MOB3B: variants seen among roughly 807,000 people sequenced by gnomAD.
The protein encoded by MOB3B is MOB kinase activator-like 2B.
A neutral mutation model predicts 18.7 loss-of-function variants in MOB3B; 7 were observed. The ratio of observed to expected loss-of-function variants is 0.37; its 90% CI spans 0.21 to 0.70. The LOEUF is 0.70. MOB3B is among the 30% of genes least tolerant of loss of function. The probability of loss-of-function intolerance (pLI) is 0.52; values close to 1 mark genes in which losing one functional copy is unlikely to be tolerated. For synonymous variants in MOB3B, 111 were observed against 99.9 expected (o/e 1.11, Z -0.66); for missense variants, 253 against 281.3 (o/e 0.90, Z 0.72).
At position 27,453,251 on chromosome 9, in the gene MOB3B, T is replaced by C. The variant is rs563101250; in HGVS notation, c.418+1882A>G. ...GAAATTCATAATGCACATTGGCATA[T>C]TAAAAGTCCTGTGGTAAAGAAATCA... On this transcript the variant is annotated intron_variant, in intron 2 of 3. Transcript: ENST00000262244. Among the ~76,000 whole-genome samples, 5 of 152,316 alleles carry C rather than the reference T, an allele frequency of 3.3e-5. No homozygotes were observed. The East Asian group carries it at 9.6e-4, about 29-fold the overall frequency.
At chr9:27,383,995 C>G (rs1221945301) in intron 2 of MOB3B, among the ~76,000 whole-genome samples, 1 of 152,168 alleles carries the variant, frequency 6.6e-6, no homozygotes, top group East Asian at 1.9e-4. Flanking sequence ...TATAGATAAG[C>G]ATTATAAAGG....
At chr9:27,332,388 GGAGA>G (rs781117755) in intron 3 of MOB3B, among the ~76,000 whole-genome samples, 7 of 152,204 alleles carry the variant, frequency 4.6e-5, no homozygotes, top group East Asian at 3.8e-4. Context: ...AGAGAAGTAG[GGAGA>G]GAGAAAGTGT....
intron 2 of MOB3B, among the ~76,000 whole-genome samples, chr9:27,430,514 C>A (rs575706676): frequency 1.6e-4 from 25 of 152,206 alleles, no homozygotes; most frequent in African/African-American, 5.3e-4. Flanking sequence ...AACGCAGAAC[C>A]AATTTTACTT....
intron 3 of MOB3B, among the ~76,000 whole-genome samples, chr9:27,341,248 G>A (rs116667551): frequency 0.011 from 1,689 of 152,292 alleles, 30 homozygotes; most frequent in African/African-American, 0.039. Context: ...TGCAAGAAAC[G>A]CTGAACAAAC....
intron 1 of MOB3B, among the ~76,000 whole-genome samples, chr9:27,502,599 C>A (rs1315665920): frequency 6.6e-6 from 1 of 152,236 alleles, no homozygotes; most frequent in Non-Finnish European, 1.5e-5. Context: ...GTGTCCCTTT[C>A]CTCCCCAGGA....
intron 2 of MOB3B, among the ~76,000 whole-genome samples, chr9:27,450,046 C>T (rs990471913): frequency 6.6e-6 from 1 of 151,790 alleles, no homozygotes; most frequent in African/African-American, 2.4e-5. Context: ...TCCCCAACAT[C>T]CCATGTCTGA....
chr9:27,363,342 C>T (rs1821301382), intron 2 of MOB3B, among the ~76,000 whole-genome samples: 1 of 152,146 alleles, frequency 6.6e-6, no homozygotes, highest in African/African-American at 2.4e-5. Flanking sequence ...GATCGTGGCT[C>T]ACTGCAAGCT....
rs914440490 is a variant in MOB3B, at chr9:27,349,595, G to T, written c.621+9439C>A. 2.6e-5 allele frequency among the ~76,000 whole-genome samples: 4 copies of T among 152,086 alleles called. No homozygotes were observed. In the East Asian group the frequency reaches 7.7e-4, roughly 29 times the overall value. On this transcript the variant is annotated intron_variant, in intron 3 of 3. Transcript: ENST00000262244. ...TGCTCATGAAGACGAATTAATCCCTGCTGTGACTGACATCCTGCAGCAATT... is the reference window on the plus strand; with the variant it reads ...TGCTCATGAAGACGAATTAATCCCTTCTGTGACTGACATCCTGCAGCAATT...
In MOB3B at chr9:27,326,411, T is replaced by A. The variant is rs1820712820; in HGVS notation, c.*4176A>T. ...TAATTGTATTTTCACTTATTATATA[T>A]CATCTTTGGACCTTTCTAAAAGTGG... On this transcript the variant is annotated 3_prime_UTR_variant, in exon 4 of 4. Coordinates refer to ENST00000262244, the MANE Select transcript of MOB3B (RefSeq NM_024761.5). The A allele has an allele frequency of 2.5e-6, 1 of 398,394 alleles. No homozygotes were observed. Among genetic ancestry groups the A allele is most frequent in the Admixed American group, 4.4e-5 (1 of 22,720 alleles). 24.7% of individuals were successfully genotyped at this position (398,394 alleles called of 1,614,324 possible).
At chr9:27,395,869 G>T (rs180679025) in intron 2 of MOB3B, among the ~76,000 whole-genome samples, 17 of 152,090 alleles carry the variant, frequency 1.1e-4, no homozygotes, top group African/African-American at 4.1e-4. Flanking sequence ...AATAGGACTC[G>T]TTCAAGGAGC....
chr9:27,414,364 C>T (rs566457588), intron 2 of MOB3B, among the ~76,000 whole-genome samples: 9 of 152,254 alleles, frequency 5.9e-5, no homozygotes, highest in African/African-American at 2.2e-4. Context: ...AGCTGTGAAC[C>T]CGGGGGGCTC....
At chr9:27,524,750 C>T (rs372850944) in intron 1 of MOB3B, 2 of 1,613,728 alleles carry the variant, frequency 1.2e-6, no homozygotes, top group South Asian at 2.2e-5. Flanking sequence ...AAAATGAAGA[C>T]ATGAAAGAAA....
At chr9:27,469,032 C>A (rs1427648282) in intron 1 of MOB3B, among the ~76,000 whole-genome samples, 1 of 152,156 alleles carries the variant, frequency 6.6e-6, no homozygotes, top group African/African-American at 2.4e-5. Context: ...TGCAATACCA[C>A]GCAAAGACCT....
chr9:27,481,451 G>A (rs560119966), intron 1 of MOB3B, among the ~76,000 whole-genome samples: 1 of 151,772 alleles, frequency 6.6e-6, no homozygotes, highest in African/African-American at 2.4e-5. Context: ...AGAGTGTGGT[G>A]GCGCCTGGGG....
intron 1 of MOB3B, among the ~76,000 whole-genome samples, chr9:27,473,302 T>C (rs1434659742): frequency 6.6e-6 from 1 of 152,170 alleles, no homozygotes; most frequent in East Asian, 1.9e-4. Context: ...GTGAGTACAA[T>C]CTGCCCAGTG....
intron 2 of MOB3B, among the ~76,000 whole-genome samples, chr9:27,377,267 T>A (rs914031168): frequency 1.1e-4 from 16 of 152,184 alleles, no homozygotes; most frequent in African/African-American, 3.9e-4. Flanking sequence ...CCAAAACAGA[T>A]GTTTGTTTCC....
intron 1 of MOB3B, among the ~76,000 whole-genome samples, chr9:27,459,129 C>T (rs1819238940): frequency 6.6e-6 from 1 of 152,062 alleles, no homozygotes; most frequent in African/African-American, 2.4e-5. Context: ...TGTGAGATGC[C>T]ATATTGGCGC....
At chr9:27,387,396 A>C (rs554091272) in intron 2 of MOB3B, among the ~76,000 whole-genome samples, 35 of 152,184 alleles carry the variant, frequency 2.3e-4, no homozygotes, top group Admixed American at 7.2e-4. Context: ...ATCTGAACCC[A>C]GCTTTGCTGT....
chr9:27,432,107 G>T (rs1316877880), intron 2 of MOB3B, among the ~76,000 whole-genome samples: 1 of 152,164 alleles, frequency 6.6e-6, no homozygotes, highest in Non-Finnish European at 1.5e-5. Context: ...CTAAATAAAA[G>T]TTTAATTAAA....
Sources: allele counts gnomAD v4.1 joint callset (sites outside exome capture counted in the v4.1 genomes callset), GRCh38; gene constraint gnomAD v4.1.1; transcripts MANE v1.5; gene names NCBI Gene and HGNC (gene_info 2026-07-23, HGNC 2026-07-21).